INSYN2A: variants seen among roughly 807,000 people sequenced by gnomAD.
INSYN2A encodes inhibitory synaptic factor 2A.
Under a neutral mutation model 39.4 loss-of-function variants are expected in INSYN2A, and 17 were observed. The ratio of observed to expected loss-of-function variants is 0.43; its 90% CI spans 0.30 to 0.65. The LOEUF (loss-of-function observed/expected upper bound fraction) is 0.65, where lower values mean the gene tolerates loss of function less well. Among genes scored for constraint, INSYN2A ranks in the 30% least tolerant of loss-of-function variants. The pLI is 0.14. For synonymous variants in INSYN2A, 255 were observed against 265.7 expected, an observed-to-expected ratio of 0.96 and a Z score of 0.39; for missense variants, 595 against 631.2, an observed-to-expected ratio of 0.94 and a Z score of 0.61.
chr10:127,187,728 G>T (rs1428760013), intron 2 of INSYN2A, among the ~76,000 whole-genome samples: 3 of 119,316 alleles, frequency 2.5e-5, no homozygotes, highest in Admixed American at 1.8e-4. Context: ...AGAAGAAAGA[G>T]AGAAAGAAAG....
chr10:127,191,292 T>C (rs1276766128), intron 2 of INSYN2A, among the ~76,000 whole-genome samples: 1 of 152,122 alleles, frequency 6.6e-6, no homozygotes, highest in Non-Finnish European at 1.5e-5. Context: ...GACTTGAGCT[T>C]CTTGGAGTCC....
intron 2 of INSYN2A, among the ~76,000 whole-genome samples, chr10:127,182,423 T>G (rs1182532153): frequency 6.6e-6 from 1 of 152,142 alleles, no homozygotes; most frequent in Non-Finnish European, 1.5e-5. Flanking sequence ...TGGGGCTTGG[T>G]GCTTGGTGCT....
intron 5 of INSYN2A, 76 bp from the exon 6 acceptor site, chr10:127,138,096 T>G: frequency 7.7e-7 from 1 of 1,305,550 alleles, no homozygotes; most frequent in Non-Finnish European, 1.1e-6. Flanking sequence ...TCAGCAAGAT[T>G]TGGGCATGAT....
chr10:127,142,308 G>C (rs1210526143), intron 5 of INSYN2A, among the ~76,000 whole-genome samples: 2 of 152,192 alleles, frequency 1.3e-5, no homozygotes, highest in Admixed American at 1.3e-4. Context: ...TCTGGCTGTG[G>C]CTTTGCACAG....
intron 5 of INSYN2A, among the ~76,000 whole-genome samples, chr10:127,152,010 CATAT>C (rs71746119): frequency 2.1e-5 from 3 of 145,408 alleles, no homozygotes; most frequent in Non-Finnish European, 3.0e-5. Flanking sequence ...ACAGTGTTCA[CATAT>C]ATATATATAT....
At chr10:127,160,613 TA>T (rs1236941390) in intron 4 of INSYN2A, among the ~76,000 whole-genome samples, 2 of 152,236 alleles carry the variant, frequency 1.3e-5, no homozygotes, top group Non-Finnish European at 2.9e-5. Context: ...CATGACCTTC[TA>T]AGTGTGGTCT....
chr10:127,144,363 G>GTT (rs1358570759), intron 5 of INSYN2A, among the ~76,000 whole-genome samples: 1 of 152,120 alleles, frequency 6.6e-6, no homozygotes, highest in Admixed American at 6.6e-5. Context: ...TTGTCTCTAG[G>GTT]TTTCCATGAG....
intron 4 of INSYN2A, among the ~76,000 whole-genome samples, chr10:127,171,223 C>G (rs965009836): frequency 1.3e-5 from 2 of 152,054 alleles, no homozygotes; most frequent in Non-Finnish European, 2.9e-5. Context: ...GAGTCTCTTA[C>G]GAAAAATAAT....
intron 4 of INSYN2A, among the ~76,000 whole-genome samples, chr10:127,174,463 T>C (rs924684656): frequency 6.6e-6 from 1 of 152,208 alleles, no homozygotes; most frequent in African/African-American, 2.4e-5. Flanking sequence ...TCATTTGTTT[T>C]TAAAGATGCT....
intron 4 of INSYN2A, among the ~76,000 whole-genome samples, chr10:127,163,597 T>C (rs1361031522): frequency 6.6e-6 from 1 of 152,150 alleles, no homozygotes; most frequent in Non-Finnish European, 1.5e-5. Context: ...AACATGCCCT[T>C]TTGCTTCTGA....
intron 2 of INSYN2A, among the ~76,000 whole-genome samples, chr10:127,178,354 C>G (rs964266139): frequency 6.6e-6 from 1 of 152,234 alleles, no homozygotes; most frequent in East Asian, 1.9e-4. Context: ...AATCCTGGCA[C>G]TACTGGTATT....
In INSYN2A at chr10:127,137,558, G is replaced by A; in HGVS notation, c.*279C>T. On this transcript the variant is annotated 3_prime_UTR_variant, in exon 6 of 6. Transcript: ENST00000522781. ...TATTACTTGCAGATCGGGGGTGGGG[G>A]AAAATTTTTACTTATCATCTTTGAC... The A allele has an allele frequency of 3.0e-6, 1 of 331,018 alleles. No homozygotes were observed. Among genetic ancestry groups the A allele is most frequent in the Non-Finnish European group, 5.5e-6 (1 of 182,540 alleles). 20.5% of individuals were successfully genotyped at this position (331,018 alleles called of 1,614,324 possible).
chr10:127,147,038 G>C (rs755854157), intron 5 of INSYN2A, among the ~76,000 whole-genome samples: 31 of 152,184 alleles, frequency 2.0e-4, no homozygotes, highest in Admixed American at 3.9e-4. Flanking sequence ...TATTGGTGTT[G>C]TAATACATTA....
chr10:127,140,613 GTC>G (rs1435405007), intron 5 of INSYN2A, among the ~76,000 whole-genome samples: 2 of 152,272 alleles, frequency 1.3e-5, no homozygotes, highest in South Asian at 4.1e-4. Context: ...AGCACACCAA[GTC>G]TCTCGGTTGA....
chr10:127,166,893 G>A (rs1482857369), intron 4 of INSYN2A, among the ~76,000 whole-genome samples: 9 of 151,922 alleles, frequency 5.9e-5, no homozygotes, highest in South Asian at 2.1e-4. Flanking sequence ...CTAGTGGCTC[G>A]GTGGTGAGGC....
chr10:127,177,947 A>C (rs1160843432), intron 2 of INSYN2A, among the ~76,000 whole-genome samples: 1 of 152,228 alleles, frequency 6.6e-6, no homozygotes, highest in Admixed American at 6.5e-5. Flanking sequence ...AGGCAGGAGC[A>C]GGACCCTACT....
At chr10:127,168,206 T>C (rs187753050) in intron 4 of INSYN2A, among the ~76,000 whole-genome samples, 3 of 152,160 alleles carry the variant, frequency 2.0e-5, no homozygotes, top group Non-Finnish European at 4.4e-5. Flanking sequence ...TCTGGAAAAA[T>C]GGAAGAACCA....
chr10:127,167,298 A>G (rs1490229364), intron 4 of INSYN2A, among the ~76,000 whole-genome samples: 1 of 152,220 alleles, frequency 6.6e-6, no homozygotes, highest in African/African-American at 2.4e-5. Context: ...GCAAATAAAT[A>G]AAAGCCATTA....
At chr10:127,143,820 G>A (rs571122900) in intron 5 of INSYN2A, among the ~76,000 whole-genome samples, 32 of 152,248 alleles carry the variant, frequency 2.1e-4, no homozygotes, top group Non-Finnish European at 4.0e-4. Context: ...GGCAATAGAA[G>A]AACCAGGACC....
Sources: gnomAD v4.1 joint callset for allele counts (sites outside exome capture counted in the v4.1 genomes callset) on GRCh38, gnomAD v4.1.1 for gene constraint, MANE v1.5 for transcripts, NCBI Gene and HGNC (gene_info 2026-07-23, HGNC 2026-07-21) for gene names.